The following SPTBN1 variants were observed in gnomAD, a reference collection of about 807,000 sequenced individuals.
SPTBN1 encodes the protein spectrin beta chain, non-erythrocytic 1.
In SPTBN1, 32 loss-of-function variants were observed where a neutral mutation model predicts 266.4. That is an observed-to-expected ratio of 0.12 (90% CI 0.09 to 0.16). The LOEUF is 0.16. SPTBN1 is among the 10% of genes least tolerant of loss of function. The pLI is 1.00. For synonymous variants in SPTBN1, 1,336 were observed against 1,162.2 expected, an observed-to-expected ratio of 1.15 and a Z score of -3.04; for missense variants, 2,296 against 3,067.1, an observed-to-expected ratio of 0.75 and a Z score of 5.94.
At chr2:54,559,908 G>C (rs969550155) in intron 2 of SPTBN1, among the ~76,000 whole-genome samples, 3 of 152,160 alleles carry the variant, frequency 2.0e-5, no homozygotes, top group Non-Finnish European at 4.4e-5. Context: ...TTGGGAAGAG[G>C]GGGGAGGATG....
chr2:54,464,162 C>T (rs956171526), intron 1 of SPTBN1, among the ~76,000 whole-genome samples: 2 of 152,082 alleles, frequency 1.3e-5, no homozygotes, highest in African/African-American at 4.8e-5. Flanking sequence ...AATGCTTATA[C>T]CTCTTGAACT....
intron 3 of SPTBN1, among the ~76,000 whole-genome samples, chr2:54,611,162 C>T (rs1190160284): frequency 6.6e-6 from 1 of 152,152 alleles, no homozygotes; most frequent in East Asian, 1.9e-4. Context: ...AATAGACTAA[C>T]ATCTATATAT....
At position 54,599,152 on chromosome 2, in the gene SPTBN1, G is replaced by A. The variant is rs201537275; in HGVS notation, c.209G>A (p.Arg70His). The A allele has an allele frequency of 2.7e-5, 43 of 1,614,038 alleles. 1 individual carries two copies. The highest frequency in any genetic ancestry group is 2.2e-5 in the South Asian group (2 of 91,086). Residue 70 changes from arginine to histidine, a missense_variant, in exon 3 of 36, where the codon CGT (arginine) becomes CAT (histidine). Transcript: ENST00000356805. The part of the protein sequence containing the change: ...FTKWVNSHLA[R>H]VSCRITDLYT... The stretch of plus-strand genomic sequence containing the variant: ...AAGTGGGTCAATTCCCACCTTGCCC[G>A]TGTGTCCTGCCGGATCACAGACCTG...
intron 2 of SPTBN1, among the ~76,000 whole-genome samples, chr2:54,567,391 G>A (rs1673736074): frequency 6.6e-6 from 1 of 151,950 alleles, no homozygotes; most frequent in Admixed American, 6.6e-5. Flanking sequence ...ACAGGCTGGA[G>A]TGCAGTGGCA....
intron 1 of SPTBN1, among the ~76,000 whole-genome samples, chr2:54,508,052 G>A (rs1354840968): frequency 6.6e-6 from 1 of 152,176 alleles, no homozygotes; most frequent in Non-Finnish European, 1.5e-5. Context: ...CCTTGCCACT[G>A]AAGATCTTCT....
At chr2:54,464,298 A>C (rs1343275818) in intron 1 of SPTBN1, among the ~76,000 whole-genome samples, 2 of 152,240 alleles carry the variant, frequency 1.3e-5, no homozygotes, top group Non-Finnish European at 2.9e-5. Flanking sequence ...AACATAATCA[A>C]ATAAATTATG....
intron 1 of SPTBN1, among the ~76,000 whole-genome samples, chr2:54,507,068 A>G (rs954736677): frequency 6.6e-6 from 1 of 152,092 alleles, no homozygotes; most frequent in African/African-American, 2.4e-5. Flanking sequence ...CTCACAAAGT[A>G]CATTCTCAAG....
intron 1 of SPTBN1, among the ~76,000 whole-genome samples, chr2:54,507,961 G>A (rs180837292): frequency 6.6e-5 from 10 of 152,114 alleles, no homozygotes; most frequent in Middle Eastern, 3.4e-3. Context: ...GGTAGAGGGT[G>A]GCATAAGAAC....
In SPTBN1 at chr2:54,482,721, C is replaced by G. The variant is rs955129952; in HGVS notation, c.-48+26203C>G. Among the ~76,000 whole-genome samples, 7 of 152,168 alleles carry G rather than the reference C, an allele frequency of 4.6e-5. No homozygotes were observed. The East Asian group carries it at 9.6e-4, about 21-fold the overall frequency. On this transcript the variant is annotated intron_variant, in intron 1 of 35. Transcript: ENST00000356805. ...CCTGTTGGATAGTATAGATATAGAA[C>G]ATTTCCATCACAGCAGACAGTTTCA...
Position 54,622,303 on chromosome 2 carries a change from C to T in SPTBN1, c.880C>T (p.Leu294Phe). The T allele has an allele frequency of 1.2e-6, 2 of 1,613,812 alleles. No individual in the cohort carries two copies. The highest frequency in any genetic ancestry group is 8.5e-7 in the Non-Finnish European group (1 of 1,179,834). Reference protein sequence around the residue: ...AVEGKRIGKVLDNAIETEKMI... With the variant: ...AVEGKRIGKVFDNAIETEKMI... The stretch of plus-strand genomic sequence containing the variant: ...TTTTTCTATCCCTTGTTGCCAGGTG[C>T]TTGACAATGCTATTGAAACAGAAAA... Residue 294 changes from leucine to phenylalanine, a missense_variant, in exon 9 of 36, where the codon CTT becomes TTT. Leu to Phe is a conservative substitution (Grantham distance 22). Transcript: ENST00000356805.
At chr2:54,632,449 T>C in intron 16 of SPTBN1, 117 bp from the exon 17 acceptor site, 1 of 1,082,876 alleles carries the variant, frequency 9.2e-7, no homozygotes, top group East Asian at 2.4e-5. Flanking sequence ...GTGATTTAAT[T>C]ATTTCATGTA....
At chr2:54,460,538 G>A (rs918908896) in intron 1 of SPTBN1, among the ~76,000 whole-genome samples, 9 of 152,152 alleles carry the variant, frequency 5.9e-5, no homozygotes, top group African/African-American at 1.7e-4. Context: ...AGCCTCGGAA[G>A]CTAACCCCTG....
At position 54,558,009 on chromosome 2, in the gene SPTBN1, C is replaced by A; in HGVS notation, c.148+31443C>A. The A allele has an allele frequency of 1.0e-6, 1 of 985,436 alleles. No individual in the cohort carries two copies. The highest frequency in any genetic ancestry group is 4.7e-5 in the South Asian group (1 of 21,288). The allele number at this position is 985,436 out of a possible 1,614,324, so 61.0% of individuals were successfully genotyped here. Reference sequence around the variant, plus strand: ...TAGAGAGTGAATGAGCCGCGCGGGCCCGGGACCCTTGGGGCTCTTCACTCT... The same window carrying A: ...TAGAGAGTGAATGAGCCGCGCGGGCACGGGACCCTTGGGGCTCTTCACTCT... On this transcript the variant is annotated intron_variant, in intron 2 of 35. Transcript: ENST00000356805. The surrounding 1 kb of genome is among the most constrained non-coding windows in gnomAD (Gnocchi z 4.6).
chr2:54,627,981 G>A, intron 12 of SPTBN1, 116 bp from the exon 13 acceptor site: 1 of 1,253,498 alleles, frequency 8.0e-7, no homozygotes, highest in Non-Finnish European at 1.1e-6. Context: ...GGGGTCCATG[G>A]CAGACTAGAG....
At chr2:54,603,036 C>G (rs1299293410) in intron 3 of SPTBN1, among the ~76,000 whole-genome samples, 1 of 152,158 alleles carries the variant, frequency 6.6e-6, no homozygotes, top group Non-Finnish European at 1.5e-5. Flanking sequence ...TCTAATCACA[C>G]AAACTTGAGA....
At chr2:54,654,804 C>A (rs945909817) in intron 27 of SPTBN1, among the ~76,000 whole-genome samples, 5 of 152,194 alleles carry the variant, frequency 3.3e-5, no homozygotes, top group African/African-American at 4.8e-5. Context: ...ACCCACCTAG[C>A]AACCATTTTG....
Position 54,668,649 on chromosome 2 carries a change from T to G in SPTBN1, c.*80T>G. 1 of 1,169,890 alleles carries G rather than the reference T, an allele frequency of 8.5e-7. No homozygotes were observed. The highest frequency in any genetic ancestry group is 1.2e-6 in the Non-Finnish European group (1 of 854,080). 72.5% of individuals were successfully genotyped at this position (1,169,890 alleles called of 1,614,324 possible). On this transcript the variant is annotated 3_prime_UTR_variant, in exon 36 of 36. Coordinates refer to ENST00000356805, the MANE Select transcript of SPTBN1 (RefSeq NM_003128.3). ...TGCAAGCTCAGAACCAACACATTAC[T>G]CTCTGTGCCTAATGTTCCTCAATGT...
chr2:54,461,704 A>G (rs183944215), intron 1 of SPTBN1, among the ~76,000 whole-genome samples: 8 of 152,346 alleles, frequency 5.3e-5, no homozygotes, highest in African/African-American at 1.7e-4. Flanking sequence ...GTCTGTTTAC[A>G]TTATTAACCA....
chr2:54,517,224 C>T (rs1558797169), intron 1 of SPTBN1, among the ~76,000 whole-genome samples: 1 of 151,900 alleles, frequency 6.6e-6, no homozygotes, highest in Admixed American at 6.5e-5. Flanking sequence ...CAAGAGGGCC[C>T]ATTCAGATGG....
Sources: allele counts gnomAD v4.1 joint callset (sites outside exome capture counted in the v4.1 genomes callset), GRCh38; gene constraint gnomAD v4.1.1; non-coding constraint Gnocchi (gnomAD v3.1); transcripts MANE v1.5; gene names NCBI Gene and HGNC (gene_info 2026-07-23, HGNC 2026-07-21).